PSMD4: variants seen among roughly 807,000 people sequenced by gnomAD.
PSMD4 encodes the protein proteasome 26S subunit ubiquitin receptor, non-ATPase 4.
PSMD4 carries 5 observed loss-of-function variants against 39.7 expected under a neutral mutation model. The ratio of observed to expected loss-of-function variants is 0.13; its 90% CI spans 0.07 to 0.26. The LOEUF is 0.26. Ranked by LOEUF, PSMD4 falls within the 10% of genes least tolerant of loss-of-function variation. The probability of loss-of-function intolerance (pLI) is 1.00; values close to 1 mark genes in which losing one functional copy is unlikely to be tolerated. For synonymous variants in PSMD4, 143 were observed against 174.6 expected, an observed-to-expected ratio of 0.82 and a Z score of 1.43; for missense variants, 272 against 486.1, an observed-to-expected ratio of 0.56 and a Z score of 4.14.
intron 8 of PSMD4, 28 bp downstream of exon 8, chr1:151,266,467 G>T: frequency 6.2e-7 from 1 of 1,614,230 alleles, no homozygotes; most frequent in African/African-American, 1.3e-5. Flanking sequence ...TGGTGCCTAG[G>T]CAGAGGTTGG....
intron 1 of PSMD4, among the ~76,000 whole-genome samples, chr1:151,258,284 T>G (rs1187741693): frequency 6.6e-6 from 1 of 152,016 alleles, no homozygotes; most frequent in Non-Finnish European, 1.5e-5. Context: ...AGCCTCAGCC[T>G]CCCAAAGTGC....
At chr1:151,264,659 A>G (rs189254953) in intron 3 of PSMD4, among the ~76,000 whole-genome samples, 173 bp from the exon 4 acceptor site, 1 of 152,156 alleles carries the variant, frequency 6.6e-6, no homozygotes, top group East Asian at 1.9e-4. Context: ...CTTTATGCAC[A>G]GAGAGTCATA....
chr1:151,264,340 T>TA (rs10535117), intron 3 of PSMD4, among the ~76,000 whole-genome samples: 48 of 140,268 alleles, frequency 3.4e-4, no homozygotes, highest in South Asian at 9.3e-4. Flanking sequence ...CCTGTTTCTC[T>TA]AAAAAAAAAA....
At chr1:151,266,954 A>G (rs777821123) in intron 9 of PSMD4, 4 of 717,618 alleles carry the variant, frequency 5.6e-6, no homozygotes, top group Non-Finnish European at 1.0e-5. Context: ...CAATTAACAG[A>G]GTTCTCAGCA....
Position 151,264,903 on chromosome 1 carries a change from G to A in PSMD4, c.354G>A (p.Glu118=). Residue 118 remains glutamate (E), a synonymous_variant, in exon 4 of 10, where the codon GAG becomes GAA. Transcript: ENST00000368884. ...TTGCCTTTGTGGGAAGCCCAGTGGA[G>A]GACAATGAGAAGGATGTGAGTCCAA... is the stretch of plus-strand genomic sequence containing the variant. ...RIIAFVGSPV[E]DNEKDLVKLA... The A allele has an allele frequency of 6.2e-7, 1 of 1,612,634 alleles. No homozygotes were observed. The highest frequency in any genetic ancestry group is 8.5e-7 in the Non-Finnish European group (1 of 1,179,054).
intron 5 of PSMD4, 75 bp downstream of exon 5, chr1:151,265,309 G>A (rs928644759): frequency 7.5e-6 from 12 of 1,591,596 alleles, no homozygotes; most frequent in African/African-American, 4.0e-5. Flanking sequence ...TGAGGAGTGC[G>A]GGTACTGTGG....
intron 7 of PSMD4, 47 bp downstream of exon 7, chr1:151,266,159 A>G (rs1693445358): frequency 1.9e-6 from 3 of 1,589,804 alleles, no homozygotes; most frequent in Non-Finnish European, 2.6e-6. Context: ...GATGCTAAAC[A>G]TTGAAAGCTG....
At chr1:151,256,830 A>G (rs1412289383) in intron 1 of PSMD4, among the ~76,000 whole-genome samples, 1 of 146,944 alleles carries the variant, frequency 6.8e-6, no homozygotes, top group East Asian at 2.0e-4. Flanking sequence ...GCTCACCGCA[A>G]CCTCCGCCTC....
intron 1 of PSMD4, chr1:151,259,297 T>G (rs1410065205): frequency 6.6e-6 from 1 of 152,170 alleles, no homozygotes; most frequent in African/African-American, 2.4e-5. Flanking sequence ...TTTTAGAATA[T>G]GTACATTATA....
At chr1:151,267,138 A>G (rs761377764) in intron 9 of PSMD4, 35 bp from the exon 10 acceptor site, 4 of 1,613,406 alleles carry the variant, frequency 2.5e-6, no homozygotes, top group Non-Finnish European at 2.5e-6. Context: ...CTGCCGCTCC[A>G]TACCCTCCCT....
At chr1:151,262,137 T>C (rs1021275621) in intron 1 of PSMD4, 24 bp from the exon 2 acceptor site, 3 of 1,613,686 alleles carry the variant, frequency 1.9e-6, no homozygotes, top group Non-Finnish European at 2.5e-6. Context: ...TCTTCTCTCT[T>C]GTCCTTCAAC....
At chr1:151,258,450 T>TGG (rs1693232353) in intron 1 of PSMD4, among the ~76,000 whole-genome samples, 1 of 82,780 alleles carries the variant, frequency 1.2e-5, no homozygotes, top group Non-Finnish European at 2.9e-5. Context: ...CCTTTTCGAG[T>TGG]GTTTTTTTTT....
chr1:151,261,815 C>T (rs375107732), intron 1 of PSMD4, among the ~76,000 whole-genome samples: 9 of 151,864 alleles, frequency 5.9e-5, no homozygotes, highest in South Asian at 4.1e-4. Context: ...AAGGTAGCTG[C>T]GTGGTGGCTT....
chr1:151,265,282 A>AG, intron 5 of PSMD4, 48 bp downstream of exon 5: 2 of 1,599,826 alleles, frequency 1.3e-6, no homozygotes, highest in African/African-American at 2.7e-5. Context: ...GGTCATAAAC[A>AG]GAATGGTCCT....
At chr1:151,256,363 TAAAATA>T (rs1289841593) in intron 1 of PSMD4, among the ~76,000 whole-genome samples, 591 of 37,554 alleles carry the variant, frequency 0.016, 15 homozygotes, top group African/African-American at 0.043. Flanking sequence ...AAAATAATAA[TAAAATA>T]AATAAATAAA....
At chr1:151,266,917 A>G (rs1693461720) in intron 9 of PSMD4, 2 of 707,056 alleles carry the variant, frequency 2.8e-6, no homozygotes, top group South Asian at 3.0e-5. Flanking sequence ...CCTCAATGTG[A>G]TGGCATCTGT....
intron 1 of PSMD4, among the ~76,000 whole-genome samples, chr1:151,256,701 T>C (rs1487387385): frequency 6.6e-6 from 1 of 150,798 alleles, no homozygotes; most frequent in Non-Finnish European, 1.5e-5. Context: ...CCTCCCAAAG[T>C]GCAGGGATTA....
At chr1:151,259,222 G>C (rs936555025) in intron 1 of PSMD4, 1 of 152,138 alleles carries the variant, frequency 6.6e-6, no homozygotes, top group Non-Finnish European at 1.5e-5. Context: ...CCCTAGACAG[G>C]TTGAGTATTC....
At chr1:151,263,613 G>A (rs1433601124) in intron 2 of PSMD4, among the ~76,000 whole-genome samples, 3 of 152,106 alleles carry the variant, frequency 2.0e-5, no homozygotes, top group Non-Finnish European at 4.4e-5. Flanking sequence ...CGGATTACGA[G>A]GTCAGGAGAT....
Sources: allele counts gnomAD v4.1 joint callset (sites outside exome capture counted in the v4.1 genomes callset), GRCh38; gene constraint gnomAD v4.1.1; transcripts MANE v1.5; gene names NCBI Gene and HGNC (gene_info 2026-07-23, HGNC 2026-07-21).